DIAPH2: variants seen among roughly 807,000 people sequenced by gnomAD.
The protein encoded by DIAPH2 is protein diaphanous homolog 2.
In DIAPH2, 35 loss-of-function variants were observed where a neutral mutation model predicts 92.7. The observed-to-expected ratio is 0.38, with a 90% CI of 0.29 to 0.50. The LOEUF is 0.50. Ranked by LOEUF, DIAPH2 falls within the 20% of genes least tolerant of loss-of-function variation. The pLI, the probability that DIAPH2 is intolerant of heterozygous loss-of-function variation, is 0.94. For synonymous variants in DIAPH2, 301 were observed against 280.4 expected, an observed-to-expected ratio of 1.07 and a Z score of -0.73; for missense variants, 701 against 819.5, an observed-to-expected ratio of 0.86 and a Z score of 1.77.
intron 26 of DIAPH2, among the ~76,000 whole-genome samples, chrX:97,479,663 T>C (rs766655272): frequency 7.1e-5 from 8 of 112,237 alleles, no homozygotes; most frequent in Non-Finnish European, 1.5e-4. Context: ...TGGTTTAGAA[T>C]AGATGATCTT....
At chrX:97,549,225 T>C (rs1474456110) in intron 26 of DIAPH2, among the ~76,000 whole-genome samples, 1 of 112,244 alleles carries the variant, frequency 8.9e-6, no homozygotes, top group Non-Finnish European at 1.9e-5. Context: ...ATCTTAGAAA[T>C]TAAAGTTTCA....
At chrX:97,237,177 C>G (rs2068054943) in intron 22 of DIAPH2, among the ~76,000 whole-genome samples, 1 of 111,709 alleles carries the variant, frequency 9.0e-6, no homozygotes, top group Non-Finnish European at 1.9e-5. Flanking sequence ...TCTTCATAGC[C>G]CTTGCTTTTC....
intron 25 of DIAPH2, among the ~76,000 whole-genome samples, chrX:97,422,349 G>A (rs1396033882): frequency 9.0e-6 from 1 of 110,867 alleles, no homozygotes; most frequent in East Asian, 2.8e-4. Context: ...CTCTAGAAAT[G>A]TAATGTTTTC....
At chrX:97,185,486 T>TATATATATATACAC (rs2067593239) in intron 22 of DIAPH2, among the ~76,000 whole-genome samples, 3 of 14,742 alleles carry the variant, frequency 2.0e-4, no homozygotes, top group Non-Finnish European at 4.1e-4. Context: ...TATATATATA[T>TATATATATATACAC]ATATATATAT....
intron 24 of DIAPH2, among the ~76,000 whole-genome samples, chrX:97,377,906 T>G (rs762934089): frequency 2.7e-5 from 3 of 110,454 alleles, no homozygotes; most frequent in Admixed American, 9.7e-5. Context: ...TAATAAAAAT[T>G]TTAAGTGTTT....
intron 26 of DIAPH2, among the ~76,000 whole-genome samples, chrX:97,454,468 G>A (rs2070385295): frequency 9.0e-6 from 1 of 111,499 alleles, no homozygotes; most frequent in Admixed American, 9.5e-5. Context: ...TAGTCTTTGT[G>A]GCTATACCAT....
intron 4 of DIAPH2, among the ~76,000 whole-genome samples, chrX:96,812,789 A>C (rs2064695626): frequency 8.9e-6 from 1 of 111,929 alleles, no homozygotes; most frequent in African/African-American, 3.3e-5. Context: ...CCCAGTAGTC[A>C]TTCAGGAGCA....
chrX:96,841,993 C>A (rs1480734067), intron 4 of DIAPH2, among the ~76,000 whole-genome samples: 1 of 110,896 alleles, frequency 9.0e-6, no homozygotes, highest in Non-Finnish European at 1.9e-5. Flanking sequence ...CCAGGATGAG[C>A]CAGGAGAAGG....
chrX:97,334,993 CAAAACAAA>C (rs2069042126), intron 23 of DIAPH2, among the ~76,000 whole-genome samples: 1 of 6,631 alleles, frequency 1.5e-4, no homozygotes, highest in African/African-American at 2.6e-4. Flanking sequence ...AAAACAAAAA[CAAAACAAA>C]AAAAAAAAAA....
intron 17 of DIAPH2, among the ~76,000 whole-genome samples, chrX:97,033,378 T>C (rs1443535253): frequency 1.8e-5 from 2 of 111,857 alleles, no homozygotes; most frequent in Non-Finnish European, 3.8e-5. Context: ...TCTAATAAAC[T>C]AAGTCAGCTG....
rs942293814 is a variant in DIAPH2 at position 97,318,429 on chromosome X, G to A, written c.2845-29687G>A. On this transcript the variant is annotated intron_variant, in intron 23 of 26. Transcript: ENST00000324765. Reference sequence around the variant, plus strand: ...TGGGATTACAAGCGTGAGCCACAACGCCCTGCCGCCCACTGGTCTATTCTT... The same window carrying A: ...TGGGATTACAAGCGTGAGCCACAACACCCTGCCGCCCACTGGTCTATTCTT... Among the ~76,000 whole-genome samples the A allele has an allele frequency of 3.6e-4, 37 of 103,220 alleles. 1 individual carries two copies. The highest frequency in any genetic ancestry group is 1.0e-3 in the African/African-American group (28 of 27,998). The allele number at this position is 103,220 out of a possible 115,157, so 89.6% of individuals were successfully genotyped here. A position where few individuals can be genotyped will look rare whatever the true frequency, so the allele number is the denominator to read the frequency against.
chrX:97,072,189 A>T (rs776884472), intron 17 of DIAPH2, among the ~76,000 whole-genome samples: 3 of 111,319 alleles, frequency 2.7e-5, no homozygotes, highest in Non-Finnish European at 5.7e-5. Flanking sequence ...CTACTTGGGG[A>T]GTTGGCTGAT....
chrX:97,384,134 A>AT, intron 25 of DIAPH2, 90 bp downstream of exon 25: 1 of 819,454 alleles, frequency 1.2e-6, no homozygotes, highest in Non-Finnish European at 1.7e-6. Flanking sequence ...AAATTTTCAT[A>AT]GAAAATTCAC....
rs201502482 is a variant in DIAPH2 at position 96,692,292 on chromosome X, A to AT, written c.132+7106dup. On this transcript the variant is annotated intron_variant, in intron 1 of 26. Coordinates refer to ENST00000324765, the MANE Select transcript of DIAPH2 (RefSeq NM_006729.5). Reference sequence around the variant, plus strand: ...TAGTGCAAATCTCAGATATCTTGTCATTTTACTCCTACATACTGTCACGTC... The same window carrying AT: ...TAGTGCAAATCTCAGATATCTTGTCATTTTTACTCCTACATACTGTCACGTC... 5.8e-3 allele frequency among the ~76,000 whole-genome samples: 653 copies of AT among 111,736 alleles called. 5 individuals carry two copies. Among genetic ancestry groups the AT allele is most frequent in the African/African-American group, 0.02 (626 of 30,808 alleles).
At chrX:96,912,056 T>C (rs1239535692) in intron 5 of DIAPH2, among the ~76,000 whole-genome samples, 1 of 111,350 alleles carries the variant, frequency 9.0e-6, no homozygotes. Context: ...ATTCAGCTTG[T>C]GAATTCATGC....
At chrX:97,484,065 AAT>A (rs1202655098) in intron 26 of DIAPH2, among the ~76,000 whole-genome samples, 1 of 111,364 alleles carries the variant, frequency 9.0e-6, no homozygotes, top group African/African-American at 3.3e-5. Flanking sequence ...GTACCCCATA[AAT>A]ATATATAGTT....
At chrX:97,292,541 A>G (rs1235085925) in intron 23 of DIAPH2, among the ~76,000 whole-genome samples, 3 of 107,733 alleles carry the variant, frequency 2.8e-5, no homozygotes, top group Non-Finnish European at 5.7e-5. Context: ...TGCCAATTTA[A>G]TACCCAATTT....
At position 97,320,485 on chromosome X, in the gene DIAPH2, G is replaced by A. The variant is rs1034454310; in HGVS notation, c.2845-27631G>A. Among the ~76,000 whole-genome samples the A allele has an allele frequency of 7.2e-5, 8 of 110,725 alleles. No individual in the cohort carries two copies. The East Asian group carries it at 1.4e-3, about 20-fold the overall frequency. ...TCCCAGCACTCTGGGAAGCCGAGGC[G>A]GGCGGATCACCTGAGGTCAGGAGGT... On this transcript the variant is annotated intron_variant, in intron 23 of 26. Coordinates refer to ENST00000324765, the MANE Select transcript of DIAPH2 (RefSeq NM_006729.5).
At chrX:97,587,902 G>A (rs2071489461) in intron 26 of DIAPH2, among the ~76,000 whole-genome samples, 1 of 111,832 alleles carries the variant, frequency 8.9e-6, no homozygotes, top group Non-Finnish European at 1.9e-5. Context: ...GTTCACAAGG[G>A]GAAATTAAAA....
Sources: gnomAD v4.1 joint callset for allele counts (sites outside exome capture counted in the v4.1 genomes callset) on GRCh38, gnomAD v4.1.1 for gene constraint, MANE v1.5 for transcripts, NCBI Gene and HGNC (gene_info 2026-07-23, HGNC 2026-07-21) for gene names.